The following PRR5L variants were observed in gnomAD, a reference collection of about 807,000 sequenced individuals.
PRR5L encodes the protein proline rich 5 like, also known as proline-rich protein 5-like.
Under a neutral mutation model 36.4 loss-of-function variants are expected in PRR5L, and 21 were observed. That is an observed-to-expected ratio of 0.58 (90% CI 0.41 to 0.83). The LOEUF is 0.83. Among genes scored for constraint, PRR5L ranks in the 40% least tolerant of loss-of-function variants. PRR5L has a pLI of 0.00. For missense variants in PRR5L, 381 were observed against 473.3 expected (o/e 0.80, Z 1.81); for synonymous variants, 188 against 197.0 (o/e 0.95, Z 0.38).
chr11:36,326,768 G>T (rs1030455994), intron 1 of PRR5L, among the ~76,000 whole-genome samples: 1 of 140,854 alleles, frequency 7.1e-6, no homozygotes, highest in Admixed American at 7.7e-5. Flanking sequence ...CTCTTGAAAT[G>T]ACTTTTTAAA....
At chr11:36,394,514 T>C (rs1210775508) in intron 1 of PRR5L, 1 of 152,236 alleles carries the variant, frequency 6.6e-6, no homozygotes, top group Non-Finnish European at 1.5e-5. Context: ...ATTTATTCTT[T>C]CATGGTTCTG....
At chr11:36,405,597 TTAAA>T (rs1175122993) in intron 3 of PRR5L, among the ~76,000 whole-genome samples, 1 of 152,154 alleles carries the variant, frequency 6.6e-6, no homozygotes, top group African/African-American at 2.4e-5. Context: ...ATTAGAGAAA[TTAAA>T]TAAAAGTCAC....
chr11:36,334,060 AG>A (rs1856745364), intron 1 of PRR5L, among the ~76,000 whole-genome samples: 1 of 152,140 alleles, frequency 6.6e-6, no homozygotes, highest in African/African-American at 2.4e-5. Flanking sequence ...CCATGGAGGA[AG>A]GGCCAAAGAA....
chr11:36,411,478 G>T (rs1272348301), intron 3 of PRR5L, among the ~76,000 whole-genome samples: 1 of 152,084 alleles, frequency 6.6e-6, no homozygotes. Flanking sequence ...CCCCTGTTAT[G>T]GCTCCTTTTG....
rs1368987001 is a variant in PRR5L at position 36,462,633 on chromosome 11, A to G, written c.1004A>G (p.Gln335Arg). The G allele has an allele frequency of 1.9e-6, 3 of 1,612,294 alleles. No homozygotes were observed. The highest frequency in any genetic ancestry group is 2.2e-5 in the South Asian group (2 of 90,992). The change falls in exon 9 of 9, where the codon CAG becomes CGG. Residue 335 changes from glutamine to arginine, a missense_variant. Gln to Arg is a conservative substitution (Grantham distance 43). Coordinates refer to ENST00000530639, the MANE Select transcript of PRR5L (RefSeq NM_001160167.2). ...LPPSFPPPHRQCSSEPNITDN... is the reference protein window; with the variant it reads ...LPPSFPPPHRRCSSEPNITDN... Reference sequence around the variant, plus strand: ...CCCAGCTTCCCCCCGCCCCACCGGCAGTGCTCCAGTGAGCCCAACATCACT... The same window carrying G: ...CCCAGCTTCCCCCCGCCCCACCGGCGGTGCTCCAGTGAGCCCAACATCACT...
At chr11:36,381,624 C>G (rs1205585652) in intron 1 of PRR5L, 1 of 152,076 alleles carries the variant, frequency 6.6e-6, no homozygotes, top group African/African-American at 2.4e-5. Context: ...GGAACTGGCT[C>G]AATATCATTC....
chr11:36,440,668 G>A (rs759255696), intron 6 of PRR5L, among the ~76,000 whole-genome samples: 6 of 152,170 alleles, frequency 3.9e-5, no homozygotes, highest in Non-Finnish European at 8.8e-5. Context: ...GTCTGTTTGT[G>A]TTGCTATAAA....
At chr11:36,333,575 CATGGATTA>C (rs1485173957) in intron 1 of PRR5L, among the ~76,000 whole-genome samples, 1 of 152,180 alleles carries the variant, frequency 6.6e-6, no homozygotes. Flanking sequence ...TATAGAACAG[CATGGATTA>C]ATCTCAAAAT....
At chr11:36,375,155 A>G (rs1435255264) in intron 1 of PRR5L, among the ~76,000 whole-genome samples, 1 of 151,874 alleles carries the variant, frequency 6.6e-6, no homozygotes, top group African/African-American at 2.4e-5. Flanking sequence ...GAATTCCTTG[A>G]ACCCGGGGAG....
intron 1 of PRR5L, among the ~76,000 whole-genome samples, chr11:36,380,068 C>G (rs1348352718): frequency 6.6e-6 from 1 of 152,016 alleles, no homozygotes; most frequent in Non-Finnish European, 1.5e-5. Context: ...ACCCAGGGTC[C>G]CAAGTTCTCA....
chr11:36,302,290 G>A (rs1856385081), intron 1 of PRR5L, among the ~76,000 whole-genome samples: 1 of 152,198 alleles, frequency 6.6e-6, no homozygotes. Context: ...TGGGGAGAAT[G>A]TACTAGGCAG....
intron 1 of PRR5L, among the ~76,000 whole-genome samples, chr11:36,332,426 T>G (rs907614572): frequency 1.3e-5 from 2 of 152,206 alleles, no homozygotes; most frequent in Non-Finnish European, 1.5e-5. Flanking sequence ...TCTCTGGCAT[T>G]AAATAAGCCT....
At chr11:36,451,069 C>T in intron 7 of PRR5L, 140 bp from the exon 8 acceptor site, 1 of 1,011,058 alleles carries the variant, frequency 9.9e-7, no homozygotes, top group Non-Finnish European at 1.5e-6. Flanking sequence ...CAGTTTCCTT[C>T]ATCCTAACTG....
At chr11:36,428,067 A>C (rs1858418924) in intron 4 of PRR5L, among the ~76,000 whole-genome samples, 1 of 152,190 alleles carries the variant, frequency 6.6e-6, no homozygotes, top group Non-Finnish European at 1.5e-5. Context: ...GCCTCTCCCC[A>C]CAACATTGCA....
Position 36,431,862 on chromosome 11 carries a change from C to G in PRR5L, c.304C>G (p.Leu102Val), listed in dbSNP as rs201022114. The change falls in exon 5 of 9, where the codon CTT becomes GTT. Residue 102 changes from leucine (L) to valine (V), a missense_variant. Leu to Val is a conservative substitution (Grantham distance 32). Coordinates refer to ENST00000530639, the MANE Select transcript of PRR5L (RefSeq NM_001160167.2). ...FITDYFQNQLLAKGLFFVEEK... is the reference protein window; with the variant it reads ...FITDYFQNQLVAKGLFFVEEK... ...TGTTCTCTTTTGGCAGAACCAGCTTCTTGCAAAAGGACTGTTCTTTGTGGA... is the reference window on the plus strand; with the variant it reads ...TGTTCTCTTTTGGCAGAACCAGCTTGTTGCAAAAGGACTGTTCTTTGTGGA... 8.1e-6 allele frequency: 13 copies of G among 1,614,052 alleles called. No individual in the cohort carries two copies. The highest frequency in any genetic ancestry group is 1.7e-5 in the Admixed American group (1 of 60,004).
At chr11:36,412,593 A>G (rs916376442) in intron 3 of PRR5L, among the ~76,000 whole-genome samples, 2 of 152,184 alleles carry the variant, frequency 1.3e-5, no homozygotes, top group East Asian at 3.9e-4. Flanking sequence ...GGGAACCACA[A>G]ACCACAGCCT....
intron 1 of PRR5L, among the ~76,000 whole-genome samples, chr11:36,355,548 CTTTTTTTTTTT>C (rs1041820581): frequency 7.9e-6 from 1 of 127,058 alleles, no homozygotes. Context: ...CTTTGCTTTG[CTTTTTTTTTTT>C]TTTTTTTTGA....
chr11:36,440,126 C>A (rs929175487), intron 6 of PRR5L, among the ~76,000 whole-genome samples: 2 of 152,120 alleles, frequency 1.3e-5, no homozygotes, highest in East Asian at 3.9e-4. Context: ...GTACCCCATA[C>A]CCTCCCTTAA....
intron 1 of PRR5L, among the ~76,000 whole-genome samples, chr11:36,376,922 T>C (rs572100241): frequency 6.6e-6 from 1 of 152,006 alleles, no homozygotes; most frequent in Admixed American, 6.5e-5. Context: ...GCGTAGGGGA[T>C]CTTACTCGAG....
Sources: allele counts gnomAD v4.1 joint callset (sites outside exome capture counted in the v4.1 genomes callset), GRCh38; gene constraint gnomAD v4.1.1; transcripts MANE v1.5; gene names NCBI Gene and HGNC (gene_info 2026-07-23, HGNC 2026-07-21).